Variants in SRP9 observed in about 807,000 individuals in gnomAD.
SRP9 encodes signal recognition particle 9.
In SRP9, 2 loss-of-function variants were observed where a neutral mutation model predicts 11.7. The observed-to-expected ratio is 0.17, with a 90% confidence interval of 0.07 to 0.54. The LOEUF is 0.54. Ranked by LOEUF, SRP9 falls within the 20% of genes least tolerant of loss-of-function variation. The pLI, the probability that SRP9 is intolerant of heterozygous loss-of-function variation, is 0.94. For synonymous variants in SRP9, 27 were observed against 35.6 expected (o/e 0.76, Z 0.86); for missense variants, 54 against 108.1 (o/e 0.50, Z 2.22).
In SRP9 at chr1:225,789,495, C is replaced by CT. The variant is rs1265113526; in HGVS notation, c.*141dup. The CT allele has an allele frequency of 9.7e-7, 1 of 1,030,590 alleles. No homozygotes were observed. The highest frequency in any genetic ancestry group is 2.7e-5 in the East Asian group (1 of 36,662). The allele number at this position is 1,030,590 out of a possible 1,614,324, so 63.8% of individuals were successfully genotyped here. A position where few individuals can be genotyped will look rare whatever the true frequency, so the allele number is the denominator to read the frequency against. On this transcript the variant is annotated 3_prime_UTR_variant, in exon 3 of 3. Transcript: ENST00000304786. ...CTTAGAGGTCATTTTTTGTAATTTT[C>CT]TTTTTAATTACTTTAGAGAGCTAGG...
intron 1 of SRP9, among the ~76,000 whole-genome samples, chr1:225,778,460 C>A (rs964560416): frequency 6.6e-6 from 1 of 152,246 alleles, no homozygotes; most frequent in Non-Finnish European, 1.5e-5. Context: ...AATTTGGAAG[C>A]ATCTGTACCC....
intron 1 of SRP9, among the ~76,000 whole-genome samples, chr1:225,778,890 T>C (rs1336848489): frequency 6.6e-6 from 1 of 152,258 alleles, no homozygotes; most frequent in African/African-American, 2.4e-5. Flanking sequence ...TCTTTTGTTT[T>C]GTGTTTGTTG....
intron 2 of SRP9, among the ~76,000 whole-genome samples, chr1:225,784,840 TCAAAAAAACAAA>T (rs1316722936): frequency 2.0e-5 from 3 of 151,890 alleles, no homozygotes; most frequent in Admixed American, 6.6e-5. Flanking sequence ...AGACTCCATC[TCAAAAAAACAAA>T]CAAAAAAACT....
rs754664714 is a variant in SRP9, at chr1:225,777,910, G to A, written c.-31G>A. The A allele has an allele frequency of 9.4e-6, 15 of 1,603,030 alleles. 1 individual carries two copies. The highest frequency in any genetic ancestry group is 1.3e-5 in the Non-Finnish European group (15 of 1,171,166). ...TTGTTGGGCCGGGTTCTGAGGCCTT[G>A]CTTCTCTTTACTTTTCCACTCTAGG... is the stretch of plus-strand genomic sequence containing the variant. On this transcript the variant is annotated 5_prime_UTR_variant, in exon 1 of 3. Coordinates refer to ENST00000304786, the MANE Select transcript of SRP9 (RefSeq NM_003133.6).
chr1:225,789,353 T>C lies in SRP9; in HGVS notation c.255T>C (p.Thr85=), dbSNP rs1459471727. The change falls in exon 3 of 3, where the codon ACT becomes ACC. Residue 85 remains threonine (T), a synonymous_variant. Transcript: ENST00000304786. ...AKEARNVTME[T]E ...AAGCCCGCAATGTTACCATGGAAACTGAGTGAATGGTTTGAAATGAAGACT... is the reference window on the plus strand; with the variant it reads ...AAGCCCGCAATGTTACCATGGAAACCGAGTGAATGGTTTGAAATGAAGACT... 1.9e-6 allele frequency: 3 copies of C among 1,592,176 alleles called. No homozygotes were observed. Among genetic ancestry groups the C allele is most frequent in the Non-Finnish European group, 2.6e-6 (3 of 1,171,186 alleles).
intron 1 of SRP9, among the ~76,000 whole-genome samples, chr1:225,782,178 T>A (rs189067235): frequency 1.6e-4 from 25 of 152,210 alleles, no homozygotes; most frequent in Non-Finnish European, 2.2e-4. Context: ...TTATTTATTT[T>A]TTTTGAAATG....
In SRP9 at chr1:225,777,903, A is replaced by G. The variant is rs150506040; in HGVS notation, c.-38A>G. 1.1e-3 allele frequency: 1,745 copies of G among 1,587,854 alleles called. 25 individuals are homozygous for G. The East Asian group carries it at 0.03, about 27-fold the overall frequency. ...AGGTAGTTTGTTGGGCCGGGTTCTG[A>G]GGCCTTGCTTCTCTTTACTTTTCCA... On this transcript the variant is annotated 5_prime_UTR_variant, in exon 1 of 3. Transcript: ENST00000304786.
At chr1:225,786,024 C>T (rs138423638) in intron 2 of SRP9, among the ~76,000 whole-genome samples, 16 of 152,304 alleles carry the variant, frequency 1.1e-4, no homozygotes, top group African/African-American at 3.1e-4. Context: ...ATTGTTACTC[C>T]CTTGCTTAGA....
intron 2 of SRP9, among the ~76,000 whole-genome samples, chr1:225,787,788 C>A (rs961933555): frequency 6.6e-6 from 1 of 152,096 alleles, no homozygotes; most frequent in Non-Finnish European, 1.5e-5. Context: ...TCTCATAGGA[C>A]ATGTGCTAAA....
rs532458810 is a variant in SRP9, at chr1:225,785,574, G to GT, written c.141+2209dup. ...TTTGTGTATTTTTAGTAGAGACGGG[G>GT]TTTCACCCTGTTAGCCAGGATGGTC... On this transcript the variant is annotated intron_variant, in intron 2 of 2. Transcript: ENST00000304786. Among the ~76,000 whole-genome samples the GT allele has an allele frequency of 5.0e-4, 75 of 150,556 alleles. 1 individual carries two copies. Among genetic ancestry groups the GT allele is most frequent in the Admixed American group, 4.5e-3 (68 of 15,180 alleles).
chr1:225,789,822 C>T lies in SRP9; in HGVS notation c.*463C>T, dbSNP rs1333630735. The T allele has an allele frequency of 5.5e-5, 9 of 163,974 alleles. No homozygotes were observed. Among genetic ancestry groups the T allele is most frequent in the Non-Finnish European group, 6.7e-5 (5 of 74,586 alleles). The allele number at this position is 163,974 out of a possible 1,614,324, so 10.2% of individuals were successfully genotyped here. On this transcript the variant is annotated 3_prime_UTR_variant, in exon 3 of 3. Coordinates refer to ENST00000304786, the MANE Select transcript of SRP9 (RefSeq NM_003133.6). Reference sequence around the variant, plus strand: ...AAAATATGGTAATTGGAATTAACTCCACACCATAGTATGCATTGTTATACA... The same window carrying T: ...AAAATATGGTAATTGGAATTAACTCTACACCATAGTATGCATTGTTATACA...
intron 2 of SRP9, chr1:225,789,020 T>G (rs756105017): frequency 6.4e-7 from 1 of 1,550,474 alleles, no homozygotes. Context: ...CTTCATTCAG[T>G]TTTTTGTCCA....
At chr1:225,786,928 G>A (rs749072051) in intron 2 of SRP9, 15 of 775,794 alleles carry the variant, frequency 1.9e-5, no homozygotes, top group Non-Finnish European at 2.1e-5. Flanking sequence ...CTGCATCCTC[G>A]ACCTCCTGGG....
intron 1 of SRP9, among the ~76,000 whole-genome samples, chr1:225,782,974 C>G (rs1665828888): frequency 6.6e-6 from 1 of 152,134 alleles, no homozygotes; most frequent in Admixed American, 6.5e-5. Flanking sequence ...GGTGTATATT[C>G]TTATTGGCAA....
At position 225,790,034 on chromosome 1, in the gene SRP9, AGT is replaced by A; in HGVS notation, c.*678_*679del. 1 of 152,350 alleles carries A rather than the reference AGT, an allele frequency of 6.6e-6. No individual in the cohort carries two copies. The highest frequency in any genetic ancestry group is 2.1e-4 in the South Asian group (1 of 4,824). 9.4% of individuals were successfully genotyped at this position (152,350 alleles called of 1,614,324 possible). A position where few individuals can be genotyped will look rare whatever the true frequency, so the allele number is the denominator to read the frequency against. ...AGTGATCAGAAGCAGCAGTTATTTGAGTGTATGAATGGAATGATGATCACTGT... is the reference window on the plus strand; with the variant it reads ...AGTGATCAGAAGCAGCAGTTATTTGAGTATGAATGGAATGATGATCACTGT... On this transcript the variant is annotated 3_prime_UTR_variant, in exon 3 of 3. Coordinates refer to ENST00000304786, the MANE Select transcript of SRP9 (RefSeq NM_003133.6).
chr1:225,781,458 G>C (rs1665799011), intron 1 of SRP9, among the ~76,000 whole-genome samples: 1 of 141,012 alleles, frequency 7.1e-6, no homozygotes, highest in African/African-American at 2.7e-5. Context: ...GGAGTGCAGT[G>C]GTGCAATCTC....
intron 1 of SRP9, among the ~76,000 whole-genome samples, chr1:225,782,324 C>A (rs897998267): frequency 6.6e-6 from 1 of 151,986 alleles, no homozygotes; most frequent in Non-Finnish European, 1.5e-5. Context: ...TCACCACGCC[C>A]GGCTAATTTT....
At chr1:225,778,269 C>T (rs562320270) in intron 1 of SRP9, among the ~76,000 whole-genome samples, 1 of 152,260 alleles carries the variant, frequency 6.6e-6, no homozygotes, top group Non-Finnish European at 1.5e-5. Context: ...CCCAGTCCCT[C>T]AGCTTCCTTT....
chr1:225,786,075 C>T (rs12568108), intron 2 of SRP9, among the ~76,000 whole-genome samples: 13,323 of 152,274 alleles, frequency 0.087, 753 homozygotes, highest in East Asian at 0.21. Flanking sequence ...TAATCTCTGT[C>T]ATTTCTGTAT....
Sources: gnomAD v4.1 joint callset for allele counts (sites outside exome capture counted in the v4.1 genomes callset) on GRCh38, gnomAD v4.1.1 for gene constraint, MANE v1.5 for transcripts, NCBI Gene and HGNC (gene_info 2026-07-23, HGNC 2026-07-21) for gene names.